The following PLXNA4 variants were observed in gnomAD, a reference collection of about 807,000 sequenced individuals.
PLXNA4 encodes plexin A4.
In PLXNA4, 44 loss-of-function variants were observed where a neutral mutation model predicts 191.8. The ratio of observed to expected loss-of-function variants is 0.23; its 90% CI spans 0.18 to 0.29. The LOEUF (loss-of-function observed/expected upper bound fraction) is 0.29. Ranked by LOEUF, PLXNA4 falls within the 10% of genes least tolerant of loss-of-function variation. The pLI is 1.00. For missense variants in PLXNA4, 1,800 were observed against 2,488.8 expected, an observed-to-expected ratio of 0.72 and a Z score of 5.89; for synonymous variants, 1,082 against 1,009.5, an observed-to-expected ratio of 1.07 and a Z score of -1.36.
intron 30 of PLXNA4, among the ~76,000 whole-genome samples, chr7:132,136,059 G>A (rs1233660122): frequency 3.9e-5 from 6 of 152,108 alleles, no homozygotes; most frequent in Non-Finnish European, 7.4e-5. Flanking sequence ...GCTGCTAAGT[G>A]GTCCCATCTT....
chr7:132,416,797 C>T (rs186132147), intron 3 of PLXNA4, among the ~76,000 whole-genome samples: 75 of 151,984 alleles, frequency 4.9e-4, no homozygotes, highest in African/African-American at 1.8e-3. Context: ...CTTGAATAAA[C>T]CAATGGATGT....
chr7:132,619,936 G>A (rs923923489), intron 2 of PLXNA4, among the ~76,000 whole-genome samples: 4 of 152,174 alleles, frequency 2.6e-5, no homozygotes, highest in Admixed American at 6.5e-5. Flanking sequence ...GAGTAGCTGG[G>A]ACTACAGGCG....
upstream of PLXNA4, among the ~76,000 whole-genome samples, chr7:132,577,711 C>G (rs1802315510): frequency 6.6e-6 from 1 of 152,156 alleles, no homozygotes; most frequent in Admixed American, 6.5e-5. Flanking sequence ...GCACGGCGCG[C>G]GCTCAGAGGG....
At chr7:132,147,553 C>T (rs1236915388) in intron 27 of PLXNA4, among the ~76,000 whole-genome samples, 4 of 152,126 alleles carry the variant, frequency 2.6e-5, no homozygotes, top group Non-Finnish European at 4.4e-5. Context: ...CTCTGTGCAC[C>T]TGAGTTATAA....
chr7:132,615,089 C>G (rs534630388), intron 2 of PLXNA4, among the ~76,000 whole-genome samples: 85 of 152,178 alleles, frequency 5.6e-4, no homozygotes, highest in Non-Finnish European at 1.0e-3. Flanking sequence ...TAAGAAATAC[C>G]ATCAGCACAA....
At chr7:132,328,226 A>G (rs1207953609) in intron 3 of PLXNA4, among the ~76,000 whole-genome samples, 2 of 152,128 alleles carry the variant, frequency 1.3e-5, no homozygotes, top group Non-Finnish European at 2.9e-5. Context: ...GAGCATTCAA[A>G]GAGGAGTGTT....
intron 3 of PLXNA4, among the ~76,000 whole-genome samples, chr7:132,483,592 T>G (rs939701856): frequency 3.9e-5 from 6 of 152,236 alleles, no homozygotes; most frequent in African/African-American, 1.4e-4. Flanking sequence ...CTGAATGCGC[T>G]CTATGATTTG....
At chr7:132,553,789 G>A (rs1459452009) in intron 1 of PLXNA4, among the ~76,000 whole-genome samples, 1 of 152,132 alleles carries the variant, frequency 6.6e-6, no homozygotes, top group Non-Finnish European at 1.5e-5. Context: ...GATCTACATG[G>A]CTATTTGCTG....
intron 12 of PLXNA4, among the ~76,000 whole-genome samples, chr7:132,200,674 A>G (rs145676964): frequency 1.6e-3 from 251 of 152,280 alleles, no homozygotes; most frequent in African/African-American, 5.9e-3. Context: ...GCCCACACAC[A>G]AATGTGTAGG....
intron 4 of PLXNA4, among the ~76,000 whole-genome samples, chr7:132,246,766 G>T (rs1799067014): frequency 7.6e-6 from 1 of 132,026 alleles, no homozygotes; most frequent in Non-Finnish European, 1.5e-5. Context: ...TGTTGTACAT[G>T]CAATCATCAT....
intron 2 of PLXNA4, among the ~76,000 whole-genome samples, chr7:132,588,806 AAAG>A (rs1159222499): frequency 1.3e-5 from 2 of 151,518 alleles, no homozygotes; most frequent in Non-Finnish European, 2.9e-5. Flanking sequence ...AGAAAGAAAG[AAAG>A]AAAAAGAAAG....
intron 3 of PLXNA4, among the ~76,000 whole-genome samples, chr7:132,397,973 C>T (rs926397965): frequency 6.6e-6 from 1 of 152,188 alleles, no homozygotes; most frequent in Non-Finnish European, 1.5e-5. Flanking sequence ...TGCCATCTCA[C>T]TATGGAGGCT....
chr7:132,359,614 A>T lies in PLXNA4; in HGVS notation c.1372-61392T>A, dbSNP rs538089001. Among the ~76,000 whole-genome samples the T allele has an allele frequency of 3.3e-4, 50 of 152,304 alleles. No homozygotes were observed. In the East Asian group the frequency reaches 8.9e-3, roughly 27 times the overall value. ...AACATATTTTGTAAAATAAAGAAAAATGTATACCTAAGGTCTTAAATTATT... is the reference window on the plus strand; with the variant it reads ...AACATATTTTGTAAAATAAAGAAAATTGTATACCTAAGGTCTTAAATTATT... On this transcript the variant is annotated intron_variant, in intron 3 of 31. Coordinates refer to ENST00000321063, the MANE Select transcript of PLXNA4 (RefSeq NM_020911.2).
At chr7:132,464,769 G>A (rs558017794) in intron 3 of PLXNA4, among the ~76,000 whole-genome samples, 1 of 152,178 alleles carries the variant, frequency 6.6e-6, no homozygotes, top group Non-Finnish European at 1.5e-5. Flanking sequence ...AGGACTAAAG[G>A]ATGCCAGTGG....
intron 3 of PLXNA4, among the ~76,000 whole-genome samples, chr7:132,398,462 C>A (rs990882402): frequency 6.6e-6 from 1 of 152,166 alleles, no homozygotes; most frequent in South Asian, 2.1e-4. Context: ...CCTGGGTGTG[C>A]GGGAGTCAGC....
intron 3 of PLXNA4, among the ~76,000 whole-genome samples, chr7:132,388,725 G>T (rs1805267214): frequency 1.3e-5 from 2 of 152,346 alleles, no homozygotes; most frequent in African/African-American, 4.8e-5. Context: ...TTGGCTTCAA[G>T]GGTGGATAAG....
At chr7:132,189,083 G>A (rs983778987) in intron 14 of PLXNA4, among the ~76,000 whole-genome samples, 3 of 140,702 alleles carry the variant, frequency 2.1e-5, no homozygotes, top group African/African-American at 5.3e-5. Flanking sequence ...GTGCACACAG[G>A]CTTCGATGCA....
intron 4 of PLXNA4, among the ~76,000 whole-genome samples, chr7:132,256,004 C>G (rs576064233): frequency 6.6e-6 from 1 of 152,288 alleles, no homozygotes; most frequent in African/African-American, 2.4e-5. Flanking sequence ...CAAGCATAAC[C>G]AAAAGCGTGC....
intron 25 of PLXNA4, among the ~76,000 whole-genome samples, chr7:132,152,041 A>G (rs1795661774): frequency 6.6e-6 from 1 of 152,030 alleles, no homozygotes; most frequent in African/African-American, 2.4e-5. Flanking sequence ...TATTTTCCCT[A>G]GGCTCATCAC....
Sources: gnomAD v4.1 joint callset for allele counts (sites outside exome capture counted in the v4.1 genomes callset) on GRCh38, gnomAD v4.1.1 for gene constraint, MANE v1.5 for transcripts, NCBI Gene and HGNC (gene_info 2026-07-23, HGNC 2026-07-21) for gene names.